TEX35: variants seen among roughly 807,000 people sequenced by gnomAD.
TEX35 encodes testis-expressed protein 35.
In TEX35, 26 loss-of-function variants were observed where a neutral mutation model predicts 31.9. The observed-to-expected ratio is 0.81, with a 90% CI of 0.60 to 1.13. The LOEUF is 1.13. TEX35 is among the 50% of genes most tolerant of loss of function. The pLI is 0.00. For synonymous variants in TEX35, 87 were observed against 90.7 expected, an observed-to-expected ratio of 0.96 and a Z score of 0.23; for missense variants, 278 against 273.5, an observed-to-expected ratio of 1.02 and a Z score of -0.12.
chr1:178,515,509 T>C (rs1347939630), intron 3 of TEX35, among the ~76,000 whole-genome samples: 1 of 152,190 alleles, frequency 6.6e-6, no homozygotes, highest in Non-Finnish European at 1.5e-5. Context: ...GTGCATTTTT[T>C]GGCAGAGACA....
intron 5 of TEX35, among the ~76,000 whole-genome samples, chr1:178,516,904 T>C (rs1467797259): frequency 6.6e-6 from 1 of 152,234 alleles, no homozygotes; most frequent in African/African-American, 2.4e-5. Flanking sequence ...ACAGAGAAAG[T>C]GAGTCTCAAG....
rs532259855 is a variant in TEX35, at chr1:178,515,847, T to A, written c.160-12T>A. The A allele has an allele frequency of 6.2e-7, 1 of 1,607,468 alleles. No homozygotes were observed. Among genetic ancestry groups the A allele is most frequent in the South Asian group, 1.1e-5 (1 of 90,150 alleles). On this transcript the variant is annotated splice_polypyrimidine_tract_variant and intron_variant, in intron 3 of 8. Transcript: ENST00000319416. The stretch of plus-strand genomic sequence containing the variant: ...TTCTTTCCTCCTTCTCTTCTCCATT[T>A]TATTTCCTCAGAATGAACTCAGGGA...
chr1:178,521,111 A>C (rs1650260699), intron 7 of TEX35, 111 bp from the exon 8 acceptor site: 1 of 1,597,112 alleles, frequency 6.3e-7, no homozygotes, highest in South Asian at 1.1e-5. Flanking sequence ...CGCCAGCTCC[A>C]CCCTCTTATT....
At chr1:178,523,070 G>A (rs761967350), downstream of TEX35, among the ~76,000 whole-genome samples, 5 of 152,168 alleles carry the variant, frequency 3.3e-5, no homozygotes, top group East Asian at 1.9e-4. Flanking sequence ...TTCTGTGCCC[G>A]GCTTATTTCA....
chr1:178,523,301 G>C, downstream of TEX35: 2 of 701,786 alleles, frequency 2.8e-6, no homozygotes, highest in Non-Finnish European at 5.2e-6. Flanking sequence ...CTTTCTTGTA[G>C]GTATATACGC....
At chr1:178,515,638 T>C (rs1380486643) in intron 3 of TEX35, among the ~76,000 whole-genome samples, 1 of 150,706 alleles carries the variant, frequency 6.6e-6, no homozygotes, top group Non-Finnish European at 1.5e-5. Context: ...AACTCCTTGT[T>C]TCAAGTGATC....
intron 2 of TEX35, 41 bp downstream of exon 2, chr1:178,514,118 A>T: frequency 6.2e-7 from 1 of 1,614,096 alleles, no homozygotes; most frequent in Non-Finnish European, 8.5e-7. Flanking sequence ...GCCAGGCCTG[A>T]GATCCATGGG....
At chr1:178,513,944 C>A (rs1464544996) in intron 1 of TEX35, 83 bp from the exon 2 acceptor site, 2 of 1,519,686 alleles carry the variant, frequency 1.3e-6, no homozygotes, top group African/African-American at 1.4e-5. Context: ...GGGCAGGGGG[C>A]AGGGTTCCCG....
At chr1:178,514,124 A>C in intron 2 of TEX35, 47 bp downstream of exon 2, 2 of 1,614,000 alleles carry the variant, frequency 1.2e-6, no homozygotes, top group South Asian at 1.1e-5. Context: ...CCTGAGATCC[A>C]TGGGGAAGTG....
chr1:178,516,279 C>T (rs1237865598), intron 4 of TEX35, among the ~76,000 whole-genome samples: 2 of 152,360 alleles, frequency 1.3e-5, no homozygotes, highest in East Asian at 3.9e-4. Flanking sequence ...CCTCTCATTT[C>T]TATGATACAA....
rs770991713 is a variant in TEX35, at chr1:178,520,364, T to C, written c.277-8T>C. 5 of 1,612,724 alleles carry C rather than the reference T, an allele frequency of 3.1e-6. No individual in the cohort carries two copies. The South Asian group carries it at 4.4e-5, about 14-fold the overall frequency. On this transcript the variant is annotated splice_polypyrimidine_tract_variant and splice_region_variant and intron_variant, in intron 5 of 8. Transcript: ENST00000319416. ...ATGAAGATGCTAGTTCTGAATTCTC[T>C]CTCGAAGGAAATGCAGAAAGATATG...
chr1:178,521,943 A>G, intron 8 of TEX35: 2 of 1,120,862 alleles, frequency 1.8e-6, no homozygotes, highest in Non-Finnish European at 2.5e-6. Context: ...GGGAAATTAC[A>G]TCTTAGTCAT....
chr1:178,520,591 C>T, intron 6 of TEX35, 82 bp from the exon 7 acceptor site: 2 of 1,591,462 alleles, frequency 1.3e-6, no homozygotes, highest in Non-Finnish European at 1.7e-6. Context: ...CCTTCCATGG[C>T]CACCCGTGTA....
downstream of TEX35, chr1:178,523,166 G>A: frequency 1.7e-6 from 1 of 588,666 alleles, no homozygotes; most frequent in Middle Eastern, 4.6e-4. Flanking sequence ...ACTCAATTGT[G>A]TGTGTGTACG....
intron 1 of TEX35, among the ~76,000 whole-genome samples, chr1:178,513,555 A>C (rs547920097): frequency 3.9e-5 from 6 of 152,278 alleles, no homozygotes; most frequent in African/African-American, 1.4e-4. Flanking sequence ...TAAGGCTCAG[A>C]ATAACCTTAT....
intron 4 of TEX35, 134 bp from the exon 5 acceptor site, chr1:178,516,481 G>T: frequency 1.5e-6 from 1 of 685,850 alleles, no homozygotes; most frequent in Middle Eastern, 2.5e-4. Flanking sequence ...GAAGAAAGTG[G>T]CTCTAACAGG....
In TEX35 at chr1:178,521,176, G is replaced by A; in HGVS notation, c.544-46G>A. On this transcript the variant is annotated intron_variant, in intron 7 of 8. Coordinates refer to ENST00000319416, the MANE Select transcript of TEX35 (RefSeq NM_032126.5). ...GGTGCCTAGCAGGCTGCCCTTCTTG[G>A]ACCAGGGGAAATTGATCTTTCTTGT... 3.1e-6 allele frequency: 5 copies of A among 1,613,986 alleles called. No homozygotes were observed. In the South Asian group the frequency reaches 5.5e-5, roughly 18 times the overall value.
chr1:178,514,184 A>T lies in TEX35; in HGVS notation c.90+107A>T, dbSNP rs760786147. The T allele has an allele frequency of 3.0e-5, 48 of 1,598,532 alleles. No individual in the cohort carries two copies. In the East Asian group the frequency reaches 1.1e-3, roughly 36 times the overall value. ...GATCCTAGTGGCCAAGATTTGTCCC[A>T]GGTGCTGGGGGATGCACTGAGAGTT... On this transcript the variant is annotated intron_variant, in intron 2 of 8. Transcript: ENST00000319416.
downstream of TEX35, chr1:178,523,338 A>T (rs1650347374): frequency 1.4e-6 from 1 of 691,510 alleles, no homozygotes; most frequent in Non-Finnish European, 2.6e-6. Flanking sequence ...GATCTATGGT[A>T]GCTCAATTTT....
Sources: gnomAD v4.1 joint callset for allele counts (sites outside exome capture counted in the v4.1 genomes callset) on GRCh38, gnomAD v4.1.1 for gene constraint, MANE v1.5 for transcripts, NCBI Gene and HGNC (gene_info 2026-07-23, HGNC 2026-07-21) for gene names.